Variants in APC2 observed in about 807,000 individuals in gnomAD.
APC2 encodes adenomatous polyposis coli protein 2.
A neutral mutation model predicts 72.5 loss-of-function variants in APC2; 41 were observed. That is an observed-to-expected ratio of 0.57 (90% confidence interval 0.44 to 0.73). The LOEUF is 0.73. APC2 is among the 30% of genes least tolerant of loss of function. APC2 has a pLI of 0.00. For synonymous variants in APC2, 1,898 were observed against 1,612.0 expected, an observed-to-expected ratio of 1.18 and a Z score of -4.25; for missense variants, 3,729 against 3,403.4, an observed-to-expected ratio of 1.10 and a Z score of -2.38.
intron 9 of APC2, 150 bp from the exon 10 acceptor site, chr19:1,457,815 A>G (rs2083859019): frequency 1.5e-6 from 1 of 685,114 alleles, no homozygotes; most frequent in South Asian, 1.7e-5. Context: ...CCCATCTTAG[A>G]GAGGCTGGGA....
chr19:1,469,950 GC>G lies in APC2; in HGVS notation c.6654del (p.Ala2219ProfsTer116). The stretch of plus-strand genomic sequence containing the variant: ...CCTGGAGACCAGGGAGCCCCCCGGG[GC>G]CCCCGCCGGCGGCCAGCTCTCCCTC... Reference protein sequence around the residue: ...PSLETREPPGAPAGGQLSLLG... With the variant: ...PSLETREPPGXPAGGQLSLLG... On this transcript the variant is annotated frameshift_variant, in exon 15 of 15. Coordinates refer to ENST00000590469, the MANE Select transcript of APC2 (RefSeq NM_005883.3). LOFTEE classifies it low-confidence loss of function (END_TRUNC). The G allele has an allele frequency of 1.3e-6, 2 of 1,511,422 alleles. No homozygotes were observed. The highest frequency in any genetic ancestry group is 2.1e-5 in the Admixed American group (1 of 47,562). The allele number at this position is 1,511,422 out of a possible 1,614,324, so 93.6% of individuals were successfully genotyped here.
chr19:1,468,812 G>T lies in APC2; in HGVS notation c.5511G>T (p.Gln1837His). ...AAPAKVPSPG[Q>H]QRSRSLHRPA... ...CAGCCAAAGTCCCGAGCCCCGGGCA[G>T]CAGCGGTCGCGGAGCCTACACCGGC... The change falls in exon 15 of 15, where the codon CAG (glutamine) becomes CAT (histidine). Residue 1837 changes from glutamine (Q) to histidine (H), a missense_variant. Coordinates refer to ENST00000590469, the MANE Select transcript of APC2 (RefSeq NM_005883.3). The T allele has an allele frequency of 1.3e-6, 2 of 1,539,006 alleles. No individual in the cohort carries two copies. Among genetic ancestry groups the T allele is most frequent in the Non-Finnish European group, 8.7e-7 (1 of 1,146,828 alleles).
At chr19:1,462,473 T>G (rs1035284702) in intron 14 of APC2, among the ~76,000 whole-genome samples, 9 of 145,658 alleles carry the variant, frequency 6.2e-5, no homozygotes, top group Non-Finnish European at 1.2e-4. Context: ...CTGACCAACA[T>G]GGAGAAAGCC....
At chr19:1,456,176 G>A (rs1183410255) in intron 7 of APC2, 23 bp downstream of exon 7, 7 of 1,570,654 alleles carry the variant, frequency 4.5e-6, no homozygotes, top group Non-Finnish European at 6.0e-6. Flanking sequence ...GCAGAGCCAG[G>A]GACCAGGGGT....
intron 10 of APC2, among the ~76,000 whole-genome samples, chr19:1,459,239 C>T (rs1454821136): frequency 1.3e-5 from 2 of 152,154 alleles, no homozygotes; most frequent in Non-Finnish European, 2.9e-5. Flanking sequence ...GGGTCTTGCT[C>T]TGTTGCCCAT....
Position 1,472,705 on chromosome 19 carries a change from T to C in APC2, c.*2492T>C, listed in dbSNP as rs1215247756. ...GCTGTCTCCAGAAGGGGACAGGCAG[T>C]CCGCGGTCTCTGGACAATCAACTCA... On this transcript the variant is annotated 3_prime_UTR_variant, in exon 15 of 15. Coordinates refer to ENST00000590469, the MANE Select transcript of APC2 (RefSeq NM_005883.3). 2 of 151,942 alleles carry C rather than the reference T, an allele frequency of 1.3e-5. No homozygotes were observed. Among genetic ancestry groups the C allele is most frequent in the African/African-American group, 2.4e-5 (1 of 41,304 alleles). 9.4% of individuals were successfully genotyped at this position (151,942 alleles called of 1,614,324 possible).
rs2145229710 is a variant in APC2 at position 1,465,351 on chromosome 19, G to T, written c.2050G>T (p.Ala684Ser). The change falls in exon 15 of 15, where the codon GCC becomes TCC. Residue 684 changes from alanine (A) to serine (S), a missense_variant. Ala to Ser is a moderately conservative substitution (Grantham distance 99). Transcript: ENST00000590469. ...NLVHSKHKMI[A>S]MGSAAALRNL... ...GGTGCACTCCAAGCACAAGATGATC[G>T]CCATGGGCAGCGCCGCCGCCCTGCG... is the stretch of plus-strand genomic sequence containing the variant. 1 of 1,586,294 alleles carries T rather than the reference G, an allele frequency of 6.3e-7. No homozygotes were observed. Among genetic ancestry groups the T allele is most frequent in the East Asian group, 2.2e-5 (1 of 44,480 alleles).
At chr19:1,446,296 C>G (rs1479904840), upstream of APC2, 1 of 984,838 alleles carries the variant, frequency 1.0e-6, no homozygotes, top group South Asian at 4.7e-5. The surrounding 1 kb of genome is among the most constrained non-coding windows in gnomAD (Gnocchi z 6.1). Flanking sequence ...CCATGGGGCT[C>G]CTGGGGCTCC....
Position 1,466,266 on chromosome 19 carries a change from C to G in APC2, c.2965C>G (p.Arg989Gly). ...CCGCGAGGCCACCTCCGCCGACGCC[C>G]GCGTGCGCACCATCAAGCTGTCGCC... Reference protein sequence around the residue: ...PAREATSADARVRTIKLSPTY... With the variant: ...PAREATSADAGVRTIKLSPTY... Residue 989 changes from arginine (R) to glycine (G), a missense_variant, in exon 15 of 15, where the codon CGC (arginine) becomes GGC (glycine). Arg to Gly is a moderately radical substitution (Grantham distance 125). Coordinates refer to ENST00000590469, the MANE Select transcript of APC2 (RefSeq NM_005883.3). 6.6e-7 allele frequency: 1 copy of G among 1,526,482 alleles called. No homozygotes were observed. 94.6% of individuals were successfully genotyped at this position (1,526,482 alleles called of 1,614,324 possible).
upstream of APC2, chr19:1,446,434 G>A (rs1157231152): frequency 5.5e-6 from 5 of 909,024 alleles, no homozygotes; most frequent in Non-Finnish European, 6.6e-6. This position sits in a 1 kb window ranked among gnomAD's most constrained non-coding sequence, Gnocchi z 6.1. Context: ...CGCGGCGGCG[G>A]GGGGCGCATG....
At chr19:1,455,046 G>A (rs1397486177) in intron 4 of APC2, 103 bp from the exon 5 acceptor site, 6 of 649,438 alleles carry the variant, frequency 9.2e-6, no homozygotes, top group Admixed American at 9.3e-5. Context: ...CATGTTGCCT[G>A]TTAACCTTGG....
At chr19:1,462,410 CT>C (rs758817541) in intron 14 of APC2, among the ~76,000 whole-genome samples, 3 of 152,088 alleles carry the variant, frequency 2.0e-5, no homozygotes, top group Non-Finnish European at 4.4e-5. Flanking sequence ...AATCCCAGCA[CT>C]TTGGGAGGCC....
At position 1,465,727 on chromosome 19, in the gene APC2, C is replaced by G; in HGVS notation, c.2426C>G (p.Pro809Arg). Residue 809 changes from proline to arginine, a missense_variant, in exon 15 of 15, where the codon CCC (proline) becomes CGC (arginine). Coordinates refer to ENST00000590469, the MANE Select transcript of APC2 (RefSeq NM_005883.3). Reference sequence around the variant, plus strand: ...GCGCTGTCCCTCTTCCTGGGCAGCCCCTTCCTGCAGGGGCAGGCGCTGGCT... The same window carrying G: ...GCGCTGTCCCTCTTCCTGGGCAGCCGCTTCCTGCAGGGGCAGGCGCTGGCT... ...PAALSLFLGS[P>R]FLQGQALART... 1 of 1,556,456 alleles carries G rather than the reference C, an allele frequency of 6.4e-7. No individual in the cohort carries two copies. The highest frequency in any genetic ancestry group is 2.4e-5 in the East Asian group (1 of 41,826).
upstream of APC2, among the ~76,000 whole-genome samples, chr19:1,449,800 A>G (rs1052442910): frequency 6.6e-6 from 1 of 152,188 alleles, no homozygotes; most frequent in Non-Finnish European, 1.5e-5. Flanking sequence ...TCCCCCGCCA[A>G]GATGCTGATG....
rs2084124305 is a variant in APC2, at chr19:1,470,939, G to C, written c.*726G>C. On this transcript the variant is annotated 3_prime_UTR_variant, in exon 15 of 15. Transcript: ENST00000590469. ...CCCTGCCTGTCGCACCCCTTGGCGG[G>C]AGACGGGAAGGCAGCGGGCTGCGTA... 1 of 152,340 alleles carries C rather than the reference G, an allele frequency of 6.6e-6. No homozygotes were observed. The highest frequency in any genetic ancestry group is 6.5e-5 in the Admixed American group (1 of 15,292). The allele number at this position is 152,340 out of a possible 1,614,324, so 9.4% of individuals were successfully genotyped here. A position where few individuals can be genotyped will look rare whatever the true frequency, so the allele number is the denominator to read the frequency against.
Position 1,462,089 on chromosome 19 carries a change from T to A in APC2, c.1765T>A (p.Cys589Ser). The change falls in exon 14 of 15, where the codon TGT becomes AGT. Residue 589 changes from cysteine to serine, a missense_variant. By Grantham distance (112) the Cys-to-Ser change is moderately radical. Transcript: ENST00000590469. ...CCTGGTGAGCACCCTGACCTACAAG[T>A]GTCAGAGCAACTCGCTGGCCATCAT... ...GFLVSTLTYK[C>S]QSNSLAIIES... is the part of the protein sequence containing the mutation. The A allele has an allele frequency of 6.2e-7, 1 of 1,612,934 alleles. No homozygotes were observed. The highest frequency in any genetic ancestry group is 1.3e-5 in the African/African-American group (1 of 75,032).
intron 10 of APC2, 50 bp from the exon 11 acceptor site, chr19:1,460,131 A>G (rs1450067387): frequency 6.2e-7 from 1 of 1,610,086 alleles, no homozygotes; most frequent in South Asian, 1.1e-5. Flanking sequence ...GGCGCTGGGC[A>G]GCAGGCAGGG....
chr19:1,462,321 C>T, intron 14 of APC2, 144 bp downstream of exon 14: 2 of 753,928 alleles, frequency 2.7e-6, no homozygotes, highest in Non-Finnish European at 4.2e-6. Context: ...GTCCCAAATA[C>T]TGCGTGAGAT....
Position 1,470,328 on chromosome 19 carries a change from C to G in APC2, c.*115C>G. 7.5e-7 allele frequency: 1 copy of G among 1,328,064 alleles called. No homozygotes were observed. Among genetic ancestry groups the G allele is most frequent in the Non-Finnish European group, 9.8e-7 (1 of 1,017,182 alleles). 82.3% of individuals were successfully genotyped at this position (1,328,064 alleles called of 1,614,324 possible). A position where few individuals can be genotyped will look rare whatever the true frequency, so the allele number is the denominator to read the frequency against. On this transcript the variant is annotated 3_prime_UTR_variant, in exon 15 of 15. Coordinates refer to ENST00000590469, the MANE Select transcript of APC2 (RefSeq NM_005883.3). ...AGGTCGCCCCAGGGCCTCTGCCCAC[C>G]CGAGCCCCACCACTCTCAGAACCCC...
Sources: allele counts gnomAD v4.1 joint callset (sites outside exome capture counted in the v4.1 genomes callset), GRCh38; gene constraint gnomAD v4.1.1; non-coding constraint Gnocchi (gnomAD v3.1); transcripts MANE v1.5; gene names NCBI Gene and HGNC (gene_info 2026-07-23, HGNC 2026-07-21).